Variants in SLIT3 observed in about 807,000 individuals in gnomAD.
SLIT3 encodes slit homolog 3 protein.
In SLIT3, 68 loss-of-function variants were observed where a neutral mutation model predicts 184.0. That is an observed-to-expected ratio of 0.37 (90% CI 0.30 to 0.45). The LOEUF is 0.45. SLIT3 is among the 20% of genes least tolerant of loss of function. The pLI is 1.00. For synonymous variants in SLIT3, 831 were observed against 828.6 expected (o/e 1.00, Z -0.05); for missense variants, 1,707 against 2,026.0 (o/e 0.84, Z 3.02).
intron 12 of SLIT3, among the ~76,000 whole-genome samples, chr5:168,785,479 C>T (rs1372825833): frequency 2.0e-5 from 3 of 152,232 alleles, no homozygotes; most frequent in East Asian, 3.8e-4. Context: ...CCCTCTGCCC[C>T]GACCCCTCTT....
chr5:168,678,101 C>T (rs566565525), intron 32 of SLIT3, among the ~76,000 whole-genome samples: 1 of 152,354 alleles, frequency 6.6e-6, no homozygotes, highest in Admixed American at 6.5e-5. Flanking sequence ...GGTTCAAAGT[C>T]AGGATTGCTT....
intron 21 of SLIT3, among the ~76,000 whole-genome samples, 176 bp downstream of exon 21, chr5:168,724,240 C>T (rs1014595617): frequency 5.3e-5 from 8 of 152,160 alleles, no homozygotes; most frequent in African/African-American, 1.9e-4. Context: ...CTCTTTCATT[C>T]TGCAAGATCT....
chr5:169,239,615 C>T (rs1203874681), intron 3 of SLIT3, among the ~76,000 whole-genome samples: 1 of 151,950 alleles, frequency 6.6e-6, no homozygotes, highest in Non-Finnish European at 1.5e-5. Context: ...TTTATAATAT[C>T]CATACTAATA....
rs192459983 is a variant in SLIT3 at position 169,096,384 on chromosome 5, G to C, written c.413+97095C>G. ...TGATTTATTGTTTTCTAATTGTTTA[G>C]AGCAGGGGTTAGCAAATGTTTTTCT... On this transcript the variant is annotated intron_variant, in intron 4 of 35. Coordinates refer to ENST00000519560, the MANE Select transcript of SLIT3 (RefSeq NM_003062.4). Among the ~76,000 whole-genome samples, 130 of 152,306 alleles carry C rather than the reference G, an allele frequency of 8.5e-4. No individual in the cohort carries two copies. In the Middle Eastern group the frequency reaches 0.017, roughly 20 times the overall value.
intron 4 of SLIT3, among the ~76,000 whole-genome samples, chr5:169,117,726 T>C (rs1398815703): frequency 1.3e-5 from 2 of 152,168 alleles, no homozygotes; most frequent in Non-Finnish European, 2.9e-5. Flanking sequence ...CAAACTCTAT[T>C]CCCTGCGACC....
rs1761030844 is a variant in SLIT3, at chr5:168,666,126, T to A, written c.*328A>T. On this transcript the variant is annotated 3_prime_UTR_variant, in exon 36 of 36. Coordinates refer to ENST00000519560, the MANE Select transcript of SLIT3 (RefSeq NM_003062.4). ...TCCTTTTGTTTTAAAGCATTTTTAT[T>A]AGTCTATTTTTTTCTTAAATTTTTA... 1 of 188,548 alleles carries A rather than the reference T, an allele frequency of 5.3e-6. No homozygotes were observed. Among genetic ancestry groups the A allele is most frequent in the African/African-American group, 2.3e-5 (1 of 42,944 alleles). The allele number at this position is 188,548 out of a possible 1,614,324, so 11.7% of individuals were successfully genotyped here. A position where few individuals can be genotyped will look rare whatever the true frequency, so the allele number is the denominator to read the frequency against.
At chr5:169,297,701 G>C (rs1441794109) in intron 1 of SLIT3, among the ~76,000 whole-genome samples, 1 of 152,188 alleles carries the variant, frequency 6.6e-6, no homozygotes, top group African/African-American at 2.4e-5. Flanking sequence ...ACCAAAGCAA[G>C]TTTCCTTCTA....
intron 4 of SLIT3, among the ~76,000 whole-genome samples, chr5:169,091,810 C>T (rs1759595744): frequency 6.6e-6 from 1 of 152,218 alleles, no homozygotes; most frequent in South Asian, 2.1e-4. Context: ...GTGCTCTGAA[C>T]ATATTTAGTC....
intron 13 of SLIT3, 87 bp downstream of exon 13, chr5:168,774,148 C>T: frequency 1.5e-6 from 2 of 1,315,218 alleles, no homozygotes; most frequent in Non-Finnish European, 2.1e-6. Context: ...TGTGCTCGTG[C>T]TGCCCTCATT....
chr5:169,042,717 G>A (rs1261038344), intron 4 of SLIT3, among the ~76,000 whole-genome samples: 13 of 152,116 alleles, frequency 8.5e-5, no homozygotes. Flanking sequence ...TTGTTTGTTT[G>A]TTACACCAAC....
At chr5:169,219,662 A>G (rs1764558977) in intron 3 of SLIT3, among the ~76,000 whole-genome samples, 1 of 152,232 alleles carries the variant, frequency 6.6e-6, no homozygotes, top group Non-Finnish European at 1.5e-5. Flanking sequence ...ACCCTGCCCA[A>G]GGGAGGGCTT....
chr5:168,740,734 T>C (rs1697968345), intron 20 of SLIT3, among the ~76,000 whole-genome samples: 1 of 152,252 alleles, frequency 6.6e-6, no homozygotes, highest in Non-Finnish European at 1.5e-5. Context: ...CCAAGGGAAG[T>C]GATACCATTT....
intron 4 of SLIT3, among the ~76,000 whole-genome samples, chr5:169,193,131 G>A (rs1477461908): frequency 1.3e-5 from 2 of 152,162 alleles, no homozygotes; most frequent in Non-Finnish European, 1.5e-5. Context: ...TGACAGTCTC[G>A]TGTGAATAAA....
chr5:168,870,337 C>G (rs1759470274), intron 5 of SLIT3, among the ~76,000 whole-genome samples: 1 of 152,176 alleles, frequency 6.6e-6, no homozygotes, highest in Admixed American at 6.5e-5. Context: ...TAAACTTTGC[C>G]CTGCTGCAGA....
intron 4 of SLIT3, among the ~76,000 whole-genome samples, chr5:169,164,322 T>C (rs924609554): frequency 2.6e-5 from 4 of 152,148 alleles, no homozygotes; most frequent in African/African-American, 9.7e-5. Flanking sequence ...CTTCCCAAGG[T>C]CCCATTCTAG....
intron 3 of SLIT3, among the ~76,000 whole-genome samples, chr5:169,203,447 T>C (rs297858): frequency 0.16 from 24,835 of 151,786 alleles, 2,817 homozygotes; most frequent in African/African-American, 0.3. Flanking sequence ...GCTGGCCAGA[T>C]CCATTTCAGG....
chr5:168,978,503 C>T (rs1299840476), intron 4 of SLIT3, among the ~76,000 whole-genome samples: 2 of 152,160 alleles, frequency 1.3e-5, no homozygotes, highest in African/African-American at 4.8e-5. Flanking sequence ...ATCTAACAGG[C>T]AGAACCTGAT....
intron 16 of SLIT3, among the ~76,000 whole-genome samples, chr5:168,754,669 C>T (rs1414053874): frequency 6.6e-6 from 1 of 152,152 alleles, no homozygotes; most frequent in Non-Finnish European, 1.5e-5. Context: ...TTAGAAGTGA[C>T]GGATATCCTA....
At chr5:169,176,143 C>G (rs1581019759) in intron 4 of SLIT3, among the ~76,000 whole-genome samples, 2 of 152,332 alleles carry the variant, frequency 1.3e-5, no homozygotes, top group South Asian at 4.1e-4. Context: ...GTCCTCCACT[C>G]CTCTTCTTGC....
Sources: allele counts gnomAD v4.1 joint callset (sites outside exome capture counted in the v4.1 genomes callset), GRCh38; gene constraint gnomAD v4.1.1; transcripts MANE v1.5; gene names NCBI Gene and HGNC (gene_info 2026-07-23, HGNC 2026-07-21).